NRG1: variants seen among roughly 807,000 people sequenced by gnomAD.
The protein encoded by NRG1 is neuregulin 1, also known as pro-neuregulin-1, membrane-bound isoform.
NRG1 carries 18 observed loss-of-function variants against 63.8 expected under a neutral mutation model. That is an observed-to-expected ratio of 0.28 (90% CI 0.19 to 0.42). NRG1 has a LOEUF of 0.42. Among genes scored for constraint, NRG1 ranks in the 10% least tolerant of loss-of-function variants. The pLI is 1.00. For synonymous variants in NRG1, 302 were observed against 301.3 expected (o/e 1.00, Z -0.02); for missense variants, 762 against 814.7 (o/e 0.94, Z 0.79).
rs139655275 is a variant in NRG1, at chr8:32,024,286, G to A, written c.37+384855G>A. Among the ~76,000 whole-genome samples the A allele has an allele frequency of 5.7e-3, 866 of 152,300 alleles. 3 individuals carry two copies. The highest frequency in any genetic ancestry group is 8.7e-3 in the Non-Finnish European group (593 of 68,022). ...ACTGCTGTATTAAAGGGAAGTGAGT[G>A]GAAAGTTGCAAAGTGAGCCTTTGAG... is the stretch of plus-strand genomic sequence containing the variant. On this transcript the variant is annotated intron_variant, in intron 1 of 10. Transcript: ENST00000519301.
chr8:32,201,635 CT>C (rs1843507838), intron 1 of NRG1, among the ~76,000 whole-genome samples: 1 of 152,152 alleles, frequency 6.6e-6, no homozygotes, highest in African/African-American at 2.4e-5. Flanking sequence ...AGTTAGAGTG[CT>C]TCTAAGTATC....
intron 1 of NRG1, among the ~76,000 whole-genome samples, chr8:32,339,359 T>A (rs778885488): frequency 7.9e-5 from 12 of 152,174 alleles, no homozygotes; most frequent in Non-Finnish European, 1.2e-4. Context: ...CTCTTAGATA[T>A]CTTGAAGTAG....
chr8:32,289,834 C>T (rs1182543348), intron 1 of NRG1, among the ~76,000 whole-genome samples: 2 of 152,140 alleles, frequency 1.3e-5, no homozygotes, highest in Non-Finnish European at 2.9e-5. Context: ...GTAAGGATTT[C>T]AGGTCAAAAC....
chr8:32,680,902 T>C (rs1409825383), intron 5 of NRG1, among the ~76,000 whole-genome samples: 2 of 152,108 alleles, frequency 1.3e-5, no homozygotes, highest in African/African-American at 4.8e-5. Context: ...TTCAAAGTAA[T>C]ACAATAAAAT....
chr8:32,220,658 C>G (rs973924904), intron 1 of NRG1, among the ~76,000 whole-genome samples: 1 of 152,202 alleles, frequency 6.6e-6, no homozygotes, highest in African/African-American at 2.4e-5. Context: ...ATATCCTTCC[C>G]ACCAGCCATG....
chr8:31,930,466 T>G (rs983697932), intron 1 of NRG1, among the ~76,000 whole-genome samples: 7 of 152,150 alleles, frequency 4.6e-5, no homozygotes, highest in African/African-American at 1.7e-4. Context: ...ATAATTATTA[T>G]GTTCATTGTT....
chr8:32,372,511 A>C (rs949282624), intron 1 of NRG1, among the ~76,000 whole-genome samples: 1 of 152,194 alleles, frequency 6.6e-6, no homozygotes, highest in Non-Finnish European at 1.5e-5. Flanking sequence ...TTGGTGCCCA[A>C]ATACAGCTGT....
chr8:32,346,744 G>T (rs998351324), intron 1 of NRG1, among the ~76,000 whole-genome samples: 7 of 151,790 alleles, frequency 4.6e-5, no homozygotes, highest in African/African-American at 1.7e-4. Flanking sequence ...ATATCTTTGG[G>T]GTACATGTGA....
At chr8:32,472,460 G>A (rs1271886478) in intron 1 of NRG1, among the ~76,000 whole-genome samples, 2 of 152,342 alleles carry the variant, frequency 1.3e-5, no homozygotes, top group South Asian at 2.1e-4. Flanking sequence ...GTGAGCCACC[G>A]TGCCCGGCCC....
chr8:32,643,576 G>T (rs114434235), intron 5 of NRG1, among the ~76,000 whole-genome samples: 1 of 152,158 alleles, frequency 6.6e-6, no homozygotes, highest in Admixed American at 6.5e-5. Context: ...CAAATGAAGC[G>T]GAAGAACCAC....
At chr8:31,821,820 G>C (rs891270209) in intron 1 of NRG1, among the ~76,000 whole-genome samples, 1 of 152,122 alleles carries the variant, frequency 6.6e-6, no homozygotes, top group Non-Finnish European at 1.5e-5. Context: ...CGTCTTTACA[G>C]TGTCAAAGGG....
chr8:31,784,382 C>T (rs755263976), intron 1 of NRG1, among the ~76,000 whole-genome samples: 3 of 152,140 alleles, frequency 2.0e-5, no homozygotes, highest in Non-Finnish European at 2.9e-5. Flanking sequence ...ACGTGTGGCT[C>T]TGTAGCATGG....
At chr8:32,152,136 T>A (rs969279335) in intron 1 of NRG1, among the ~76,000 whole-genome samples, 1 of 152,218 alleles carries the variant, frequency 6.6e-6, no homozygotes, top group African/African-American at 2.4e-5. Flanking sequence ...AGCTATTCCT[T>A]TAGGGGAAAG....
intron 1 of NRG1, among the ~76,000 whole-genome samples, chr8:32,097,261 G>T (rs1255141582): frequency 6.6e-6 from 1 of 152,054 alleles, no homozygotes; most frequent in Non-Finnish European, 1.5e-5. Context: ...GGATATTTAG[G>T]TTACTTTCAT....
chr8:32,311,369 G>T (rs1856786304), intron 1 of NRG1, among the ~76,000 whole-genome samples: 1 of 152,142 alleles, frequency 6.6e-6, no homozygotes, highest in African/African-American at 2.4e-5. Flanking sequence ...TTTAGACTGG[G>T]TGGTCAGGCA....
intron 1 of NRG1, among the ~76,000 whole-genome samples, chr8:32,085,898 A>G (rs113219023): frequency 6.6e-6 from 1 of 152,220 alleles, no homozygotes; most frequent in Non-Finnish European, 1.5e-5. Context: ...TCACACAGAG[A>G]TAGACATGGC....
chr8:31,926,473 T>TA lies in NRG1; in HGVS notation c.37+287044dup, dbSNP rs1280451498. ...ATTTCCCCTGCATTTATAGTTGTTA[T>TA]AAGTACTAGTATGATCTAAGCTATT... On this transcript the variant is annotated intron_variant, in intron 1 of 10. Transcript: ENST00000519301. 6.6e-5 allele frequency among the ~76,000 whole-genome samples: 10 copies of TA among 152,268 alleles called. No individual in the cohort carries two copies. The South Asian group carries it at 2.1e-3, about 32-fold the overall frequency.
chr8:32,510,978 C>T (rs1216627854), intron 1 of NRG1, among the ~76,000 whole-genome samples: 1 of 123,458 alleles, frequency 8.1e-6, no homozygotes, highest in Admixed American at 9.5e-5. Context: ...TTTTCTGAAG[C>T]AGGGTCTCCC....
intron 5 of NRG1, among the ~76,000 whole-genome samples, chr8:32,641,544 C>T (rs921108404): frequency 3.3e-5 from 5 of 152,168 alleles, no homozygotes; most frequent in South Asian, 2.1e-4. Context: ...CTGTAACTAT[C>T]GTATGCAATT....
Sources: gnomAD v4.1 joint callset for allele counts (sites outside exome capture counted in the v4.1 genomes callset) on GRCh38, gnomAD v4.1.1 for gene constraint, MANE v1.5 for transcripts, NCBI Gene and HGNC (gene_info 2026-07-23, HGNC 2026-07-21) for gene names.